ZFHX3: variants seen among roughly 807,000 people sequenced by gnomAD.
ZFHX3 encodes the protein zinc finger homeobox protein 3.
In ZFHX3, 42 loss-of-function variants were observed where a neutral mutation model predicts 279.1. The observed-to-expected ratio is 0.15, with a 90% CI of 0.12 to 0.19. The LOEUF (loss-of-function observed/expected upper bound fraction) is 0.19, where lower values mean the gene tolerates loss of function less well. ZFHX3 is among the 10% of genes least tolerant of loss of function. ZFHX3 has a pLI of 1.00. For synonymous variants in ZFHX3, 2,293 were observed against 1,957.8 expected (o/e 1.17, Z -4.52); for missense variants, 4,981 against 4,754.0 (o/e 1.05, Z -1.40).
rs577761098 is a variant in ZFHX3, at chr16:73,691,371, G to A, written c.-1607-11131C>T. On this transcript the variant is annotated intron_variant, in intron 1 of 17. Coordinates refer to the ZFHX3 transcript ENST00000641206. The stretch of plus-strand genomic sequence containing the variant: ...TACTGCTATCAAAATATTGACTGAA[G>A]GAACTCAAAGAGCTTCAACACTGCT... 5.9e-5 allele frequency among the ~76,000 whole-genome samples: 9 copies of A among 152,246 alleles called. No homozygotes were observed. In the South Asian group the frequency reaches 1.5e-3, roughly 25 times the overall value.
chr16:72,838,247 C>A (rs945003089), intron 4 of ZFHX3, among the ~76,000 whole-genome samples: 2 of 152,102 alleles, frequency 1.3e-5, no homozygotes, highest in Non-Finnish European at 2.9e-5. Flanking sequence ...AGAATAGAGA[C>A]CATTTATGCT....
chr16:73,434,130 T>C (rs1382436382), intron 3 of ZFHX3, among the ~76,000 whole-genome samples: 1 of 152,184 alleles, frequency 6.6e-6, no homozygotes, highest in Non-Finnish European at 1.5e-5. Context: ...TAATTCAGAA[T>C]ACGGGGAGGC....
intron 3 of ZFHX3, among the ~76,000 whole-genome samples, chr16:73,435,958 G>C (rs1203298615): frequency 6.6e-6 from 1 of 152,224 alleles, no homozygotes; most frequent in African/African-American, 2.4e-5. Flanking sequence ...CCACGGCCCA[G>C]TGCACTAGGG....
chr16:73,651,206 A>G (rs1021255449), intron 2 of ZFHX3, among the ~76,000 whole-genome samples: 3 of 150,624 alleles, frequency 2.0e-5, no homozygotes, highest in African/African-American at 7.3e-5. Context: ...TGGGAGTATT[A>G]GTCAGATGAA....
At chr16:72,848,466 A>G (rs929368743) in intron 4 of ZFHX3, among the ~76,000 whole-genome samples, 9 of 152,144 alleles carry the variant, frequency 5.9e-5, no homozygotes, top group African/African-American at 1.7e-4. Flanking sequence ...AATGCAAAGG[A>G]AACTCCGCTG....
intron 1 of ZFHX3, among the ~76,000 whole-genome samples, chr16:73,837,511 T>C (rs981654501): frequency 2.0e-5 from 3 of 152,212 alleles, no homozygotes; most frequent in Non-Finnish European, 4.4e-5. Context: ...CTATTCAACT[T>C]TTCCCAAAGA....
At chr16:73,835,095 A>C (rs1961103145) in intron 1 of ZFHX3, among the ~76,000 whole-genome samples, 1 of 152,172 alleles carries the variant, frequency 6.6e-6, no homozygotes, top group Non-Finnish European at 1.5e-5. Flanking sequence ...TGACTCCCCC[A>C]GCTACCAAAA....
intron 2 of ZFHX3, among the ~76,000 whole-genome samples, chr16:73,579,426 A>G (rs1012319969): frequency 2.6e-5 from 4 of 152,212 alleles, no homozygotes; most frequent in Non-Finnish European, 4.4e-5. Context: ...ACCTGTCTCA[A>G]ATACTTTCAG....
intron 3 of ZFHX3, among the ~76,000 whole-genome samples, chr16:73,394,444 C>G (rs1314927689): frequency 1.3e-5 from 2 of 151,870 alleles, no homozygotes; most frequent in Non-Finnish European, 2.9e-5. Context: ...TACAGGTGCC[C>G]CCTACCACGC....
intron 5 of ZFHX3, among the ~76,000 whole-genome samples, chr16:73,220,473 T>C (rs957277377): frequency 4.6e-5 from 7 of 152,126 alleles, no homozygotes; most frequent in African/African-American, 1.4e-4. Flanking sequence ...TCAGAAATAC[T>C]ATGTCAAAGG....
intron 4 of ZFHX3, among the ~76,000 whole-genome samples, chr16:73,279,120 A>AT (rs889269960): frequency 2.2e-4 from 33 of 150,194 alleles, no homozygotes; most frequent in Middle Eastern, 3.4e-3. Flanking sequence ...CATCTTAGGG[A>AT]TTTTTTTTTT....
chr16:73,889,593 T>G (rs1402598970), intron 1 of ZFHX3, among the ~76,000 whole-genome samples: 1 of 152,206 alleles, frequency 6.6e-6, no homozygotes, highest in African/African-American at 2.4e-5. Flanking sequence ...GGGGCAATAA[T>G]GAACCGCATT....
intron 6 of ZFHX3, among the ~76,000 whole-genome samples, chr16:73,136,146 G>A (rs57142245): frequency 0.024 from 3,708 of 152,212 alleles, 163 homozygotes; most frequent in African/African-American, 0.084. Context: ...GTGATTATTT[G>A]TATTATTTGC....
intron 4 of ZFHX3, among the ~76,000 whole-genome samples, chr16:73,307,966 C>A (rs1281494772): frequency 6.6e-6 from 1 of 151,948 alleles, no homozygotes; most frequent in Non-Finnish European, 1.5e-5. Context: ...GACCAGCACT[C>A]ACCCCCAAAT....
chr16:73,053,493 G>C (rs1476844765), intron 1 of ZFHX3, among the ~76,000 whole-genome samples: 2 of 152,150 alleles, frequency 1.3e-5, no homozygotes, highest in South Asian at 4.1e-4. Flanking sequence ...TGGGGGCATG[G>C]AGAAGTGGAC....
At chr16:73,805,864 C>T (rs1299630561) in intron 1 of ZFHX3, among the ~76,000 whole-genome samples, 1 of 152,146 alleles carries the variant, frequency 6.6e-6, no homozygotes, top group Non-Finnish European at 1.5e-5. Flanking sequence ...CATAGAAGGC[C>T]TCTCTGAGAA....
chr16:73,320,418 G>A (rs139516774), intron 3 of ZFHX3, among the ~76,000 whole-genome samples: 113 of 152,212 alleles, frequency 7.4e-4, no homozygotes, highest in African/African-American at 2.6e-3. Flanking sequence ...CAAATTACAC[G>A]GCATTTATTT....
At chr16:73,553,431 C>T (rs1320886439) in intron 2 of ZFHX3, among the ~76,000 whole-genome samples, 3 of 152,142 alleles carry the variant, frequency 2.0e-5, no homozygotes, top group East Asian at 1.9e-4. Context: ...CTAGCCCCCA[C>T]GACACCAATG....
intron 7 of ZFHX3, among the ~76,000 whole-genome samples, chr16:72,802,413 C>G (rs926848459): frequency 6.6e-6 from 1 of 152,174 alleles, no homozygotes; most frequent in Non-Finnish European, 1.5e-5. Flanking sequence ...TAACTCTCCC[C>G]GAAATATAAT....
Sources: gnomAD v4.1 joint callset for allele counts (sites outside exome capture counted in the v4.1 genomes callset) on GRCh38, gnomAD v4.1.1 for gene constraint, MANE v1.5 for transcripts, NCBI Gene and HGNC (gene_info 2026-07-23, HGNC 2026-07-21) for gene names.